UBC: variants seen among roughly 807,000 people sequenced by gnomAD.
UBC encodes the protein polyubiquitin-C.
UBC carries 8 observed loss-of-function variants against 34.7 expected under a neutral mutation model. That is an observed-to-expected ratio of 0.23 (90% CI 0.14 to 0.42). The LOEUF (loss-of-function observed/expected upper bound fraction) is 0.42. UBC is among the 10% of genes least tolerant of loss of function. UBC has a pLI of 1.00. For missense variants in UBC, 323 were observed against 750.3 expected (o/e 0.43, Z 6.65); for synonymous variants, 367 against 299.8 (o/e 1.22, Z -2.32).
At position 124,914,625 on chromosome 12, in the gene UBC, AC is replaced by A. The variant is rs370661223; in HGVS notation, c.-43del. The A allele has an allele frequency of 2.2e-3, 333 of 152,368 alleles. 4 individuals carry two copies. Among genetic ancestry groups the A allele is most frequent in the East Asian group, 0.018 (95 of 5,182 alleles). 9.4% of individuals were successfully genotyped at this position (152,368 alleles called of 1,614,324 possible). Reference sequence around the variant, plus strand: ...CAGCGATCCACAAACAAGAACTGCGACCCAAATCCCGGCTGCGACGGAACTA... The same window carrying A: ...CAGCGATCCACAAACAAGAACTGCGACCAAATCCCGGCTGCGACGGAACTA... On this transcript the variant is annotated 5_prime_UTR_variant, in exon 1 of 2. Transcript: ENST00000339647.
In UBC at chr12:124,913,607, G is replaced by A. The variant is rs1202475986; in HGVS notation, c.165C>T (p.Thr55=). ...CTTTCTGGATGTTGTAGTCAGACAG[G>A]GTGCGCCCATCTTCCAGCTGTTTTC... The part of the protein sequence containing the change: ...FAGKQLEDGR[T]LSDYNIQKES... The change falls in exon 2 of 2, where the codon ACC becomes ACT. Residue 55 remains threonine, a synonymous_variant. Coordinates refer to ENST00000339647, the MANE Select transcript of UBC (RefSeq NM_021009.7). 6.2e-7 allele frequency: 1 copy of A among 1,611,596 alleles called. No homozygotes were observed. Among genetic ancestry groups the A allele is most frequent in the African/African-American group, 1.3e-5 (1 of 74,586 alleles).
At position 124,913,723 on chromosome 12, in the gene UBC, C is replaced by T. The variant is rs757052864; in HGVS notation, c.49G>A (p.Val17Ile). The T allele has an allele frequency of 2.5e-6, 4 of 1,614,074 alleles. No homozygotes were observed. Among genetic ancestry groups the T allele is most frequent in the Non-Finnish European group, 3.4e-6 (4 of 1,180,042 alleles). Residue 17 changes from valine to isoleucine, a missense_variant, in exon 2 of 2, where the codon GTT becomes ATT. Coordinates refer to ENST00000339647, the MANE Select transcript of UBC (RefSeq NM_021009.7). The part of the protein sequence containing the change: ...TLTGKTITLE[V>I]EPSDTIENVK... Reference sequence around the variant, plus strand: ...TTCTCGATGGTGTCACTGGGCTCAACCTCGAGGGTGATGGTCTTACCAGTC... The same window carrying T: ...TTCTCGATGGTGTCACTGGGCTCAATCTCGAGGGTGATGGTCTTACCAGTC...
chr12:124,914,478 G>C (rs750731407), intron 1 of UBC, 109 bp downstream of exon 1: 1 of 153,808 alleles, frequency 6.5e-6, no homozygotes, highest in Non-Finnish European at 1.4e-5. Flanking sequence ...GGGCAACCTT[G>C]CTCGCGGACC....
chr12:124,913,261 G>A lies in UBC; in HGVS notation c.511C>T (p.Pro171Ser). The part of the protein sequence containing the change: ...TGKTITLEVE[P>S]SDTIENVKAK... ...TTGACATTCTCGATGGTGTCACTGGGCTCCACCTCGAGGGTGATGGTCTTA... is the reference window on the plus strand; with the variant it reads ...TTGACATTCTCGATGGTGTCACTGGACTCCACCTCGAGGGTGATGGTCTTA... The change falls in exon 2 of 2, where the codon CCC becomes TCC. Residue 171 changes from proline to serine, a missense_variant. Physicochemically the swap from Pro to Ser is moderately conservative, Grantham distance 74 (BLOSUM62 -1). Around this residue, in one of 5 missense-constraint regions of UBC, gnomAD observed 202 missense variants for 361.9 expected, o/e 0.56. Coordinates refer to ENST00000339647, the MANE Select transcript of UBC (RefSeq NM_021009.7). The A allele has an allele frequency of 1.2e-6, 2 of 1,610,814 alleles. No individual in the cohort carries two copies. The highest frequency in any genetic ancestry group is 1.7e-6 in the Non-Finnish European group (2 of 1,178,562).
In UBC at chr12:124,912,644, A is replaced by G. The variant is rs1953539406; in HGVS notation, c.1128T>C (p.Arg376=). Residue 376 remains arginine, a synonymous_variant, in exon 2 of 2, where the codon CGT becomes CGC. Coordinates refer to ENST00000339647, the MANE Select transcript of UBC (RefSeq NM_021009.7). ...CGAAGATCTGCATCCCACCTCTGAG[A>G]CGGAGCACCAGGTGCAAGGTGGACT... The part of the protein sequence containing the change: ...QKESTLHLVL[R]LRGGMQIFVK... 3.7e-6 allele frequency: 6 copies of G among 1,610,256 alleles called. No individual in the cohort carries two copies. Among genetic ancestry groups the G allele is most frequent in the Non-Finnish European group, 5.1e-6 (6 of 1,179,082 alleles).
Position 124,913,788 on chromosome 12 carries a change from C to T in UBC, c.-3-14G>A, listed in dbSNP as rs1281395064. 1.2e-6 allele frequency: 2 copies of T among 1,605,246 alleles called. No homozygotes were observed. Among genetic ancestry groups the T allele is most frequent in the South Asian group, 1.1e-5 (1 of 90,814 alleles). ...GATCTGCATTGTCTAACAAAAAAGC[C>T]AAAAACGGCCAGAATTTAGCGGACA... On this transcript the variant is annotated splice_polypyrimidine_tract_variant and intron_variant, in intron 1 of 1. Coordinates refer to ENST00000339647, the MANE Select transcript of UBC (RefSeq NM_021009.7).
In UBC at chr12:124,911,844, C is replaced by A. The variant is rs769525216; in HGVS notation, c.1928G>T (p.Gly643Val). Residue 643 changes from glycine (G) to valine (V), a missense_variant, in exon 2 of 2, where the codon GGC becomes GTC. Coordinates refer to ENST00000339647, the MANE Select transcript of UBC (RefSeq NM_021009.7). ...CAACCTCTGCTGATCAGGAGGGATG[C>A]CTTCCTTATCTTGGATCTTTGCCTT... ...NVKAKIQDKE[G>V]IPPDQQRLIF... 1 of 1,611,652 alleles carries A rather than the reference C, an allele frequency of 6.2e-7. No individual in the cohort carries two copies. The highest frequency in any genetic ancestry group is 8.5e-7 in the Non-Finnish European group (1 of 1,179,092).
At chr12:124,914,390 G>A (rs1169403872) in intron 1 of UBC, 197 bp downstream of exon 1, 1 of 156,418 alleles carries the variant, frequency 6.4e-6, no homozygotes, top group Non-Finnish European at 1.4e-5. Flanking sequence ...CGACCTCACA[G>A]CCCGCCTCAC....
chr12:124,911,957 G>T lies in UBC; in HGVS notation c.1815C>A (p.Leu605=). ...KESTLHLVLR[L]RGGMQIFVKT... ...TCACGAAGATTTGCATCCCACCTCT[G>T]AGACGGAGCACCAGGTGCAGGGTGG... The change falls in exon 2 of 2, where the codon CTC becomes CTA. Residue 605 remains leucine (L), a synonymous_variant. Coordinates refer to ENST00000339647, the MANE Select transcript of UBC (RefSeq NM_021009.7). The T allele has an allele frequency of 6.4e-7, 1 of 1,569,894 alleles. No homozygotes were observed. Among genetic ancestry groups the T allele is most frequent in the Admixed American group, 1.8e-5 (1 of 55,342 alleles).
At chr12:124,914,414 T>G (rs1035126838) in intron 1 of UBC, 173 bp downstream of exon 1, 1 of 155,690 alleles carries the variant, frequency 6.4e-6, no homozygotes, top group African/African-American at 2.4e-5. Flanking sequence ...CGTCTTCCAT[T>G]CAAGACTCGG....
At position 124,912,576 on chromosome 12, in the gene UBC, G is replaced by A. The variant is rs780641468; in HGVS notation, c.1196C>T (p.Pro399Leu). The change falls in exon 2 of 2, where the codon CCG (proline) becomes CTG (leucine). Residue 399 changes from proline (P) to leucine (L), a missense_variant. Pro to Leu is a moderately conservative substitution (Grantham distance 98). This residue lies in a region of UBC where 66 missense variants were observed against 125.4 expected (regional missense o/e 0.53). Coordinates refer to ENST00000339647, the MANE Select transcript of UBC (RefSeq NM_021009.7). ...CTTGACATTCTCAATGGTGTCACTCGGCTCCACCTCGAGAGTGATGGTCTT... is the reference window on the plus strand; with the variant it reads ...CTTGACATTCTCAATGGTGTCACTCAGCTCCACCTCGAGAGTGATGGTCTT... ...TGKTITLEVE[P>L]SDTIENVKAK... 23 of 1,586,336 alleles carry A rather than the reference G, an allele frequency of 1.4e-5. No homozygotes were observed. Among genetic ancestry groups the A allele is most frequent in the South Asian group, 8.9e-5 (8 of 89,706 alleles).
At position 124,913,694 on chromosome 12, in the gene UBC, G is replaced by T; in HGVS notation, c.78C>A (p.Val26=). Residue 26 remains valine, a synonymous_variant, in exon 2 of 2, where the codon GTC becomes GTA. Transcript: ENST00000339647. The part of the protein sequence containing the change: ...EVEPSDTIEN[V]KAKIQDKEGI... ...CTTCCTTATCTTGGATCTTTGCCTT[G>T]ACATTCTCGATGGTGTCACTGGGCT... is the stretch of plus-strand genomic sequence containing the variant. 6.2e-7 allele frequency: 1 copy of T among 1,613,830 alleles called. No individual in the cohort carries two copies. The highest frequency in any genetic ancestry group is 8.5e-7 in the Non-Finnish European group (1 of 1,179,946).
At chr12:124,914,033 G>A (rs927660729) in intron 1 of UBC, 17 of 552,848 alleles carry the variant, frequency 3.1e-5, no homozygotes, top group African/African-American at 1.9e-4. Context: ...CGATTCAGGA[G>A]AGCCTACCCT....
chr12:124,913,562 C>G lies in UBC; in HGVS notation c.210G>C (p.Val70=). The G allele has an allele frequency of 6.2e-7, 1 of 1,606,560 alleles. No homozygotes were observed. The highest frequency in any genetic ancestry group is 8.5e-7 in the Non-Finnish European group (1 of 1,177,332). ...TTTGCATCCCACCTCTGAGACGGAG[C>G]ACCAGGTGCAGGGTGGACTCTTTCT... The part of the protein sequence containing the change: ...NIQKESTLHL[V]LRLRGGMQIF... Residue 70 remains valine, a synonymous_variant, in exon 2 of 2, where the codon GTG becomes GTC. Transcript: ENST00000339647.
Position 124,912,724 on chromosome 12 carries a change from C to T in UBC, c.1048G>A (p.Ala350Thr). The change falls in exon 2 of 2, where the codon GCC becomes ACC. Residue 350 changes from alanine to threonine, a missense_variant. Transcript: ENST00000339647. ...IPPDQQRLIF[A>T]GKQLEDGRTL... ...CGACCATCTTCCAGCTGTTTTCCGG[C>T]AAAGATCAACCTCTGCTGGTCAGGA... 6.2e-7 allele frequency: 1 copy of T among 1,607,466 alleles called. No individual in the cohort carries two copies. Among genetic ancestry groups the T allele is most frequent in the Non-Finnish European group, 8.5e-7 (1 of 1,178,318 alleles).
chr12:124,914,187 C>T (rs2070627), intron 1 of UBC: 9,252 of 220,114 alleles, frequency 0.042, 1,021 homozygotes, highest in East Asian at 0.31. Flanking sequence ...GGGTGCACTG[C>T]CCAACGGCAC....
In UBC at chr12:124,913,125, T is replaced by G; in HGVS notation, c.647A>C (p.Glu216Ala). 1 of 1,608,640 alleles carries G rather than the reference T, an allele frequency of 6.2e-7. No homozygotes were observed. The highest frequency in any genetic ancestry group is 8.5e-7 in the Non-Finnish European group (1 of 1,177,874). ...RTLSDYNIQK[E>A]STLHLVLRLR... ...ACGGAGTACCAGGTGCAAGGTGGAC[T>G]CTTTCTGGATGTTGTAGTCAGACAG... The change falls in exon 2 of 2, where the codon GAG (glutamate) becomes GCG (alanine). Residue 216 changes from glutamate to alanine, a missense_variant. Transcript: ENST00000339647.
In UBC at chr12:124,911,666, T is replaced by C. The variant is rs764498676; in HGVS notation, c.*48A>G. 6 of 1,442,268 alleles carry C rather than the reference T, an allele frequency of 4.2e-6. No individual in the cohort carries two copies. The highest frequency in any genetic ancestry group is 2.0e-5 in the Admixed American group (1 of 50,832). The allele number at this position is 1,442,268 out of a possible 1,614,324, so 89.3% of individuals were successfully genotyped here. A position where few individuals can be genotyped will look rare whatever the true frequency, so the allele number is the denominator to read the frequency against. The stretch of plus-strand genomic sequence containing the variant: ...ACCAATTGGGAATGCAACAACTTTA[T>C]TGAAAGGAAAGTGCAATGAAATTTG... On this transcript the variant is annotated 3_prime_UTR_variant, in exon 2 of 2. Coordinates refer to ENST00000339647, the MANE Select transcript of UBC (RefSeq NM_021009.7).
In UBC at chr12:124,913,819, C is replaced by T. The variant is rs201421062; in HGVS notation, c.-3-45G>A. ...CGGCCAGAATTTAGCGGACAATTTA[C>T]TAGTCTAACACTGAAAATTACATAT... On this transcript the variant is annotated intron_variant, in intron 1 of 1. Coordinates refer to ENST00000339647, the MANE Select transcript of UBC (RefSeq NM_021009.7). 1.3e-4 allele frequency: 208 copies of T among 1,607,578 alleles called. No homozygotes were observed. The African/African-American group carries it at 1.3e-3, about 10-fold the overall frequency.
Sources: gnomAD v4.1 joint callset for allele counts on GRCh38, gnomAD v4.1.1 for gene constraint, gnomAD v4.1.1 regional missense constraint, MANE v1.5 for transcripts, NCBI Gene and HGNC (gene_info 2026-07-23, HGNC 2026-07-21) for gene names.